The following KCNN2 variants were observed in gnomAD, a reference collection of about 807,000 sequenced individuals.
KCNN2 encodes the protein potassium calcium-activated channel subfamily N member 2, also known as small conductance calcium-activated potassium channel protein 2.
In KCNN2, 24 loss-of-function variants were observed where a neutral mutation model predicts 55.5. The ratio of observed to expected loss-of-function variants is 0.43; its 90% CI spans 0.31 to 0.61. KCNN2 has a LOEUF of 0.61. Ranked by LOEUF, KCNN2 falls within the 20% of genes least tolerant of loss-of-function variation. The pLI, the probability that KCNN2 is intolerant of heterozygous loss-of-function variation, is 0.08. For synonymous variants in KCNN2, 431 were observed against 336.1 expected (o/e 1.28, Z -3.09); for missense variants, 754 against 853.6 (o/e 0.88, Z 1.45).
intron 1 of KCNN2, among the ~76,000 whole-genome samples, chr5:114,170,567 CCATGTTTTCCTGCACACAGTAAACA>C (rs1561508003): frequency 1.3e-5 from 2 of 151,978 alleles, no homozygotes; most frequent in Admixed American, 1.3e-4. Context: ...GTTGGGGCCG[CCATGTTTTCCTGCACACAGTAAACA>C]CATTTTCCTA....
chr5:114,082,629 A>T (rs2112542619), intron 1 of KCNN2, among the ~76,000 whole-genome samples: 1 of 152,344 alleles, frequency 6.6e-6, no homozygotes, highest in African/African-American at 2.4e-5. Context: ...AAGTATGTTT[A>T]TAACAGCATT....
At chr5:114,056,215 GCC>G (rs1408142201) in exon 1 of KCNN2, 2 of 395,148 alleles carry the variant, frequency 5.1e-6, no homozygotes, top group Non-Finnish European at 8.9e-6. Context: ...CCGCGCCCGC[GCC>G]CCGGAGCTCT....
intron 2 of KCNN2, among the ~76,000 whole-genome samples, chr5:114,373,294 G>C (rs1185371158): frequency 3.3e-5 from 5 of 151,912 alleles, no homozygotes; most frequent in African/African-American, 9.7e-5. Context: ...TTCTAAAAGG[G>C]TATCCCTTTT....
At chr5:114,459,294 T>C (rs1216063451) in intron 3 of KCNN2, among the ~76,000 whole-genome samples, 1 of 152,252 alleles carries the variant, frequency 6.6e-6, no homozygotes, top group Non-Finnish European at 1.5e-5. Flanking sequence ...AATGTGTTTT[T>C]ATTAAATCAG....
At position 114,383,955 on chromosome 5, in the gene KCNN2, C is replaced by T. The variant is rs78382366; in HGVS notation, c.1218+19954C>T. Among the ~76,000 whole-genome samples the T allele has an allele frequency of 3.9e-3, 593 of 152,312 alleles. 4 individuals carry two copies. The highest frequency in any genetic ancestry group is 0.012 in the African/African-American group (508 of 41,568). On this transcript the variant is annotated intron_variant, in intron 2 of 7. Coordinates refer to ENST00000673685, the MANE Select transcript of KCNN2 (RefSeq NM_021614.4). ...ATGTGTATCATGTGCCTACTGAGAA[C>T]AAGCACTATGCTAGGTACATTATAC... is the stretch of plus-strand genomic sequence containing the variant.
intron 2 of KCNN2, among the ~76,000 whole-genome samples, chr5:114,281,489 A>G (rs1189603236): frequency 1.3e-5 from 2 of 152,062 alleles, no homozygotes; most frequent in Non-Finnish European, 2.9e-5. Context: ...CAAGACATTT[A>G]TATTAAGACC....
chr5:114,402,718 A>G (rs751116141), intron 2 of KCNN2, among the ~76,000 whole-genome samples: 1 of 152,210 alleles, frequency 6.6e-6, no homozygotes, highest in East Asian at 1.9e-4. Flanking sequence ...GGATGTGGGA[A>G]TGATCACAAG....
At chr5:114,172,423 G>A (rs571321168) in intron 1 of KCNN2, among the ~76,000 whole-genome samples, 2 of 151,236 alleles carry the variant, frequency 1.3e-5, no homozygotes, top group African/African-American at 2.4e-5. Context: ...ACCAACTTAC[G>A]TATTTTCTCA....
chr5:114,346,785 A>AG (rs55959184), intron 2 of KCNN2, among the ~76,000 whole-genome samples: 9 of 151,320 alleles, frequency 5.9e-5, no homozygotes, highest in South Asian at 2.1e-4. Flanking sequence ...AAAAAAAAAA[A>AG]GAACCAGGCA....
intron 2 of KCNN2, among the ~76,000 whole-genome samples, chr5:114,244,529 G>A (rs544199608): frequency 2.0e-5 from 3 of 151,918 alleles, no homozygotes; most frequent in African/African-American, 4.8e-5. Context: ...CCCGGGAGGC[G>A]GAGGTTACAG....
intron 3 of KCNN2, chr5:114,433,609 C>G (rs1669132480): frequency 6.6e-6 from 1 of 152,534 alleles, no homozygotes; most frequent in South Asian, 2.1e-4. Context: ...TCCACACTGC[C>G]TTTATGAGCT....
At chr5:114,206,042 T>C (rs1054625509) in intron 1 of KCNN2, among the ~76,000 whole-genome samples, 5 of 152,206 alleles carry the variant, frequency 3.3e-5, no homozygotes, top group Non-Finnish European at 5.9e-5. Context: ...TAAAAATTGA[T>C]GTAGTTCTAA....
intron 2 of KCNN2, among the ~76,000 whole-genome samples, chr5:114,292,931 G>A (rs994103771): frequency 2.0e-4 from 31 of 152,244 alleles, no homozygotes; most frequent in African/African-American, 7.5e-4. Context: ...GGATTCCTAG[G>A]TATTTTATTT....
At chr5:114,373,640 T>TTATATATATA (rs61356539) in intron 2 of KCNN2, among the ~76,000 whole-genome samples, 864 of 56,708 alleles carry the variant, frequency 0.015, 213 homozygotes, top group East Asian at 0.13. Context: ...TATGAAGATT[T>TTATATATATA]TATATATATA....
chr5:114,486,048 G>T (rs1298843774), intron 5 of KCNN2, among the ~76,000 whole-genome samples: 1 of 152,168 alleles, frequency 6.6e-6, no homozygotes, highest in Non-Finnish European at 1.5e-5. Context: ...GACTTGGTTA[G>T]TGCAAAGTCA....
At position 114,066,287 on chromosome 5, in the gene KCNN2, C is replaced by T. The variant is rs994304823; in HGVS notation, c.-271+9787C>T. 3.3e-5 allele frequency among the ~76,000 whole-genome samples: 5 copies of T among 152,298 alleles called. No homozygotes were observed. The East Asian group carries it at 9.7e-4, about 29-fold the overall frequency. On this transcript the variant is annotated intron_variant, in intron 1 of 10. Coordinates refer to the KCNN2 transcript ENST00000512097. ...TGTTTATGATGGCTTTGTTCTTAGG[C>T]ACATTTTGCTCTTGTGGCTCCATGA...
intron 1 of KCNN2, among the ~76,000 whole-genome samples, chr5:114,219,372 C>G (rs1754082845): frequency 6.6e-6 from 1 of 152,084 alleles, no homozygotes; most frequent in African/African-American, 2.4e-5. Flanking sequence ...ATGAGGTCAC[C>G]CAAACAAATT....
chr5:114,310,415 T>C (rs568803970), intron 2 of KCNN2, among the ~76,000 whole-genome samples: 7 of 152,270 alleles, frequency 4.6e-5, no homozygotes, highest in East Asian at 3.9e-4. Context: ...CTTTTCTCTA[T>C]TGAAAAAAAT....
rs372944592 is a variant in KCNN2, at chr5:114,183,421, T to G, written c.-270-38059T>G. On this transcript the variant is annotated intron_variant, in intron 1 of 10. Coordinates refer to the KCNN2 transcript ENST00000512097. ...CTGTTTTATGAGAATATGTGTAAGA[T>G]TATTGTTGTTACTTTTAAAAATATT... 4.6e-5 allele frequency among the ~76,000 whole-genome samples: 7 copies of G among 152,224 alleles called. No individual in the cohort carries two copies. The East Asian group carries it at 7.7e-4, about 17-fold the overall frequency.
Sources: gnomAD v4.1 joint callset for allele counts (sites outside exome capture counted in the v4.1 genomes callset) on GRCh38, gnomAD v4.1.1 for gene constraint, MANE v1.5 for transcripts, NCBI Gene and HGNC (gene_info 2026-07-23, HGNC 2026-07-21) for gene names.